PCDHA5: variants seen among roughly 807,000 people sequenced by gnomAD.
The protein encoded by PCDHA5 is protocadherin alpha-5.
A neutral mutation model predicts 61.6 loss-of-function variants in PCDHA5; 43 were observed. The ratio of observed to expected loss-of-function variants is 0.70; its 90% CI spans 0.55 to 0.90. PCDHA5 has a LOEUF of 0.90. PCDHA5 is among the 40% of genes least tolerant of loss of function. PCDHA5 has a pLI of 0.00. For synonymous variants in PCDHA5, 627 were observed against 543.9 expected (o/e 1.15, Z -2.13); for missense variants, 1,298 against 1,222.7 (o/e 1.06, Z -0.92).
chr5:140,857,036 G>T (rs1174179572), intron 1 of PCDHA5: 1 of 1,596,046 alleles, frequency 6.3e-7, no homozygotes, highest in Non-Finnish European at 8.6e-7. Context: ...CCCACCTATG[G>T]TTGGTCACTG....
intron 3 of PCDHA5, among the ~76,000 whole-genome samples, chr5:141,007,031 T>C (rs1554261019): frequency 6.6e-6 from 1 of 152,144 alleles, no homozygotes; most frequent in African/African-American, 2.4e-5. Flanking sequence ...ATGGTATTTA[T>C]ATCTATGGAT....
chr5:140,928,757 G>T (rs372744198), intron 1 of PCDHA5: 1 of 1,614,092 alleles, frequency 6.2e-7, no homozygotes, highest in African/African-American at 1.3e-5. Context: ...CGTACTGCTC[G>T]CTTAGTTCTT....
At chr5:140,923,226 G>T (rs2081248805) in intron 1 of PCDHA5, among the ~76,000 whole-genome samples, 1 of 71,914 alleles carries the variant, frequency 1.4e-5, no homozygotes, top group Admixed American at 1.5e-4. Flanking sequence ...GATCGTTTGA[G>T]CCCAGAAGTT....
At chr5:140,963,701 AG>A (rs1226096855) in intron 1 of PCDHA5, among the ~76,000 whole-genome samples, 2 of 152,218 alleles carry the variant, frequency 1.3e-5, no homozygotes, top group Non-Finnish European at 1.5e-5. Flanking sequence ...TGATATCTAA[AG>A]GGCCATGCTA....
intron 1 of PCDHA5, chr5:140,842,737 C>T: frequency 6.3e-7 from 1 of 1,595,052 alleles, no homozygotes; most frequent in Non-Finnish European, 8.6e-7. Context: ...CGCCGGGCTG[C>T]CACATCTTCA....
Position 140,850,525 on chromosome 5 carries a change from A to G in PCDHA5, c.2352+26398A>G, listed in dbSNP as rs2041657187. Reference sequence around the variant, plus strand: ...CTGGTGGAGAGCGGCCAGGCGCCAAAGTCATCGTCGCGGGCGTCAGTGGGT... The same window carrying G: ...CTGGTGGAGAGCGGCCAGGCGCCAAGGTCATCGTCGCGGGCGTCAGTGGGT... On this transcript the variant is annotated intron_variant, in intron 1 of 3. Transcript: ENST00000529859. 5.6e-6 allele frequency: 9 copies of G among 1,598,066 alleles called. 2 individuals are homozygous for G. Among genetic ancestry groups the G allele is most frequent in the African/African-American group, 1.3e-5 (1 of 74,316 alleles).
intron 1 of PCDHA5, chr5:140,835,784 C>G: frequency 2.5e-6 from 4 of 1,613,220 alleles, no homozygotes; most frequent in Non-Finnish European, 3.4e-6. Flanking sequence ...TGAAGGAGAA[C>G]AACCCGCCGG....
intron 1 of PCDHA5, among the ~76,000 whole-genome samples, chr5:140,914,671 A>G (rs1012780806): frequency 2.6e-5 from 4 of 151,552 alleles, no homozygotes; most frequent in Non-Finnish European, 4.4e-5. Context: ...CTTCTTTTTC[A>G]TGAAAATAAT....
chr5:140,965,174 C>CT (rs1213439654), intron 1 of PCDHA5, among the ~76,000 whole-genome samples: 4 of 152,228 alleles, frequency 2.6e-5, no homozygotes, highest in Non-Finnish European at 2.9e-5. Flanking sequence ...TTAGTGAGTG[C>CT]TTTTTTTGCA....
intron 1 of PCDHA5, among the ~76,000 whole-genome samples, chr5:140,904,640 C>T (rs1484010152): frequency 6.6e-6 from 1 of 152,046 alleles, no homozygotes; most frequent in Non-Finnish European, 1.5e-5. Flanking sequence ...GGAATCTCCA[C>T]ACTGTTTTCC....
chr5:140,849,845 C>G (rs2150453241), intron 1 of PCDHA5: 1 of 1,598,630 alleles, frequency 6.3e-7, no homozygotes, highest in East Asian at 2.2e-5. Context: ...ACGTGAACGA[C>G]AACGCACCAG....
At chr5:140,849,552 A>C (rs2150440271) in intron 1 of PCDHA5, 1 of 1,598,478 alleles carries the variant, frequency 6.3e-7, no homozygotes, top group South Asian at 1.1e-5. Context: ...GTTGACTATC[A>C]AAACGCTCTC....
chr5:140,927,811 G>A, intron 1 of PCDHA5: 1 of 1,614,186 alleles, frequency 6.2e-7, no homozygotes, highest in Non-Finnish European at 8.5e-7. Context: ...AACGCTCTTG[G>A]AGGCATACAT....
intron 1 of PCDHA5, among the ~76,000 whole-genome samples, chr5:140,886,844 A>AAAAG (rs1232979230): frequency 8.6e-5 from 13 of 150,634 alleles, no homozygotes; most frequent in African/African-American, 1.2e-4. Flanking sequence ...AAAAAAAAAA[A>AAAAG]AAAGAAAGGT....
At chr5:140,915,982 G>A (rs1563009608) in intron 1 of PCDHA5, among the ~76,000 whole-genome samples, 3 of 152,230 alleles carry the variant, frequency 2.0e-5, no homozygotes, top group South Asian at 2.1e-4. Flanking sequence ...ATTTGACTAC[G>A]GCTAAGCTGG....
At chr5:141,006,412 A>G (rs1423476125) in intron 3 of PCDHA5, among the ~76,000 whole-genome samples, 7 of 151,898 alleles carry the variant, frequency 4.6e-5, no homozygotes, top group African/African-American at 1.7e-4. Flanking sequence ...ACGCGGTTTC[A>G]CTGTGTTAGC....
chr5:140,852,883 G>GT, intron 1 of PCDHA5: 1 of 933,168 alleles, frequency 1.1e-6, no homozygotes, highest in Non-Finnish European at 1.3e-6. Context: ...ATCATAAAAC[G>GT]TATTTTTTTT....
chr5:140,922,342 A>G (rs1256854965), intron 1 of PCDHA5, among the ~76,000 whole-genome samples: 2 of 152,184 alleles, frequency 1.3e-5, no homozygotes, highest in East Asian at 3.8e-4. Flanking sequence ...GTATATTGGT[A>G]TTTTCTAGAG....
chr5:140,858,401 G>T (rs2045390262), intron 1 of PCDHA5: 2 of 1,572,406 alleles, frequency 1.3e-6, no homozygotes, highest in Admixed American at 1.8e-5. Flanking sequence ...TGTGGACGGG[G>T]AAGATCAGTC....
Sources: gnomAD v4.1 joint callset for allele counts (sites outside exome capture counted in the v4.1 genomes callset) on GRCh38, gnomAD v4.1.1 for gene constraint, MANE v1.5 for transcripts, NCBI Gene and HGNC (gene_info 2026-07-23, HGNC 2026-07-21) for gene names.